Variants in NRXN1 observed in about 807,000 individuals in gnomAD.
NRXN1 encodes the protein neurexin-1.
Under a neutral mutation model 150.9 loss-of-function variants are expected in NRXN1, and 39 were observed. That is an observed-to-expected ratio of 0.26 (90% CI 0.20 to 0.34). The LOEUF (loss-of-function observed/expected upper bound fraction) is 0.34. Ranked by LOEUF, NRXN1 falls within the 10% of genes least tolerant of loss-of-function variation. The pLI, the probability that NRXN1 is intolerant of heterozygous loss-of-function variation, is 1.00. For synonymous variants in NRXN1, 924 were observed against 757.0 expected, an observed-to-expected ratio of 1.22 and a Z score of -3.62; for missense variants, 1,815 against 1,949.9, an observed-to-expected ratio of 0.93 and a Z score of 1.30.
chr2:50,260,646 T>TTTG (rs2068168502), intron 17 of NRXN1, among the ~76,000 whole-genome samples: 1 of 118,446 alleles, frequency 8.4e-6, no homozygotes, highest in African/African-American at 3.3e-5. Flanking sequence ...TTTTTTTTTT[T>TTTG]TTTGAAAGAA....
chr2:50,758,809 C>G (rs1344422085), intron 5 of NRXN1, among the ~76,000 whole-genome samples: 2 of 151,836 alleles, frequency 1.3e-5, no homozygotes, highest in Non-Finnish European at 2.9e-5. Context: ...TCTATTCGCA[C>G]CAACCTAATC....
chr2:50,504,952 T>C (rs7567114), intron 13 of NRXN1, among the ~76,000 whole-genome samples: 2,189 of 152,286 alleles, frequency 0.014, 47 homozygotes, highest in African/African-American at 0.05. Context: ...TCAAACATTA[T>C]CAATTGCTTT....
chr2:50,304,334 G>A (rs1343803454), intron 17 of NRXN1, among the ~76,000 whole-genome samples: 4 of 152,158 alleles, frequency 2.6e-5, no homozygotes, highest in African/African-American at 7.2e-5. Context: ...TAAAAAGGCT[G>A]AAAGGGTTGA....
At chr2:50,585,173 C>A (rs1461120985) in intron 8 of NRXN1, among the ~76,000 whole-genome samples, 3 of 152,090 alleles carry the variant, frequency 2.0e-5, no homozygotes, top group Non-Finnish European at 2.9e-5. Flanking sequence ...GCTTAGTAAC[C>A]GCAAAACGTT....
At chr2:50,196,538 A>G (rs1052633378) in intron 18 of NRXN1, among the ~76,000 whole-genome samples, 1 of 152,144 alleles carries the variant, frequency 6.6e-6, no homozygotes, top group Non-Finnish European at 1.5e-5. Context: ...GAACACAAAT[A>G]CATTTAATAT....
chr2:50,074,164 A>G (rs919740286), intron 19 of NRXN1, among the ~76,000 whole-genome samples: 1 of 152,192 alleles, frequency 6.6e-6, no homozygotes, highest in Non-Finnish European at 1.5e-5. Flanking sequence ...CCAACACAGT[A>G]TATTATCAAG....
intron 2 of NRXN1, among the ~76,000 whole-genome samples, chr2:51,011,385 G>C (rs1412001428): frequency 1.3e-5 from 2 of 151,930 alleles, no homozygotes; most frequent in Admixed American, 6.6e-5. Flanking sequence ...AAATCAGATG[G>C]GATGATAAAT....
At chr2:50,281,702 G>C (rs971923603) in intron 17 of NRXN1, among the ~76,000 whole-genome samples, 1 of 152,104 alleles carries the variant, frequency 6.6e-6, no homozygotes, top group Admixed American at 6.6e-5. Flanking sequence ...CACAAATTCA[G>C]ATAAGTAAGG....
intron 18 of NRXN1, among the ~76,000 whole-genome samples, chr2:50,203,846 G>C (rs1020564433): frequency 2.6e-5 from 4 of 151,970 alleles, no homozygotes; most frequent in South Asian, 2.1e-4. Context: ...CAGCTTTATC[G>C]TATTAAATTA....
intron 5 of NRXN1, among the ~76,000 whole-genome samples, chr2:50,649,880 G>A (rs1158380992): frequency 6.6e-6 from 1 of 151,952 alleles, no homozygotes; most frequent in Admixed American, 6.6e-5. Flanking sequence ...AATTGCCCTT[G>A]TTCTGTCCCT....
At chr2:50,324,667 G>T (rs1165679079) in intron 17 of NRXN1, among the ~76,000 whole-genome samples, 1 of 152,196 alleles carries the variant, frequency 6.6e-6, no homozygotes. Flanking sequence ...TCAGCCTCCC[G>T]AGTAGCTGGG....
chr2:50,058,741 A>C lies in NRXN1; in HGVS notation c.3719-3697T>G, dbSNP rs1465952553. Among the ~76,000 whole-genome samples the C allele has an allele frequency of 2.0e-5, 3 of 152,118 alleles. No individual in the cohort carries two copies. In the East Asian group the frequency reaches 5.8e-4, roughly 29 times the overall value. On this transcript the variant is annotated intron_variant, in intron 19 of 22. Transcript: ENST00000401669. ...TGAATTATGGGGGTGGGTTTTTCCC[A>C]TGCTGTTCTCATGAGAGTAAATAAG...
intron 5 of NRXN1, chr2:50,917,581 T>C (rs976209678): frequency 6.6e-6 from 1 of 151,628 alleles, no homozygotes; most frequent in African/African-American, 2.4e-5. Context: ...GGGATTTGAT[T>C]AGGTCCTGAG....
At chr2:50,996,389 C>T (rs1032155816) in intron 2 of NRXN1, among the ~76,000 whole-genome samples, 3 of 152,042 alleles carry the variant, frequency 2.0e-5, no homozygotes, top group South Asian at 2.1e-4. Context: ...CCTTGTCAAA[C>T]AAGCTTTATC....
At chr2:50,233,833 A>G (rs954862782) in intron 18 of NRXN1, among the ~76,000 whole-genome samples, 1 of 152,092 alleles carries the variant, frequency 6.6e-6, no homozygotes, top group Non-Finnish European at 1.5e-5. Flanking sequence ...TTCAATAATG[A>G]AAGAAGTAGA....
chr2:50,465,152 G>C (rs571873651), intron 17 of NRXN1, among the ~76,000 whole-genome samples: 1 of 151,716 alleles, frequency 6.6e-6, no homozygotes, highest in Non-Finnish European at 1.5e-5. Context: ...AACCAAGGGA[G>C]AATTGTCATA....
At chr2:50,751,280 T>C (rs1280644001) in intron 5 of NRXN1, among the ~76,000 whole-genome samples, 2 of 152,120 alleles carry the variant, frequency 1.3e-5, no homozygotes, top group African/African-American at 2.4e-5. Flanking sequence ...TACTACTATA[T>C]ACAGCTGTGA....
At chr2:50,074,323 A>G (rs1558821029) in intron 19 of NRXN1, among the ~76,000 whole-genome samples, 1 of 152,140 alleles carries the variant, frequency 6.6e-6, no homozygotes, top group Non-Finnish European at 1.5e-5. Context: ...AAATCTCACG[A>G]AATCTTGCTT....
intron 10 of NRXN1, among the ~76,000 whole-genome samples, chr2:50,535,155 T>C (rs2093222818): frequency 6.6e-6 from 1 of 152,196 alleles, no homozygotes; most frequent in South Asian, 2.1e-4. Context: ...AGTTGCCAAA[T>C]AAATGGTAAA....
Sources: allele counts gnomAD v4.1 joint callset (sites outside exome capture counted in the v4.1 genomes callset), GRCh38; gene constraint gnomAD v4.1.1; transcripts MANE v1.5; gene names NCBI Gene and HGNC (gene_info 2026-07-23, HGNC 2026-07-21).